Variants in BARD1 observed in about 807,000 individuals in gnomAD.
BARD1 encodes BRCA1-associated RING domain protein 1.
Under a neutral mutation model 77.0 loss-of-function variants are expected in BARD1, and 73 were observed. That is an observed-to-expected ratio of 0.95 (90% CI 0.79 to 1.15). The LOEUF (loss-of-function observed/expected upper bound fraction) is 1.15, where lower values mean the gene tolerates loss of function less well. Ranked by LOEUF, BARD1 falls within the 50% of genes most tolerant of loss-of-function variation. BARD1 has a pLI of 0.00. For synonymous variants in BARD1, 384 were observed against 338.0 expected, an observed-to-expected ratio of 1.14 and a Z score of -1.49; for missense variants, 993 against 938.8, an observed-to-expected ratio of 1.06 and a Z score of -0.75.
intron 4 of BARD1, among the ~76,000 whole-genome samples, chr2:214,774,284 T>C (rs943400026): frequency 6.6e-6 from 1 of 152,214 alleles, no homozygotes; most frequent in African/African-American, 2.4e-5. Context: ...ATGATATTAA[T>C]GGCATCTAGA....
chr2:214,797,985 T>C (rs1695834707), intron 1 of BARD1, among the ~76,000 whole-genome samples: 1 of 152,154 alleles, frequency 6.6e-6, no homozygotes, highest in Admixed American at 6.5e-5. Context: ...GGATGTAATG[T>C]ACCCAGAGAA....
At chr2:214,765,820 T>C (rs1694170964) in intron 6 of BARD1, among the ~76,000 whole-genome samples, 1 of 152,096 alleles carries the variant, frequency 6.6e-6, no homozygotes, top group South Asian at 2.1e-4. Flanking sequence ...CCCAATTATC[T>C]TATAACCTGT....
intron 4 of BARD1, among the ~76,000 whole-genome samples, chr2:214,775,460 C>A (rs1694696278): frequency 6.6e-6 from 1 of 152,056 alleles, no homozygotes; most frequent in Admixed American, 6.6e-5. Flanking sequence ...GTTTGTGGTG[C>A]CCCAAAGCAA....
At chr2:214,746,558 A>C (rs952284163) in intron 7 of BARD1, among the ~76,000 whole-genome samples, 1 of 151,752 alleles carries the variant, frequency 6.6e-6, no homozygotes, top group Non-Finnish European at 1.5e-5. Context: ...ATTAAAGCTG[A>C]GAAGTGAAAG....
At chr2:214,764,021 T>C (rs1242268396) in intron 6 of BARD1, among the ~76,000 whole-genome samples, 1 of 152,174 alleles carries the variant, frequency 6.6e-6, no homozygotes, top group African/African-American at 2.4e-5. Context: ...AAAAGTAACA[T>C]GCCATGGATG....
rs868115336 is a variant in BARD1, at chr2:214,784,118, T to A, written c.365-2609A>T. ...GGCAACCTACAGAATGGGAGAAAAATTTTTGCAATCTATACATCTGACAAA... is the reference window on the plus strand; with the variant it reads ...GGCAACCTACAGAATGGGAGAAAAAATTTTGCAATCTATACATCTGACAAA... On this transcript the variant is annotated intron_variant, in intron 3 of 10. Transcript: ENST00000260947. 4.5e-4 allele frequency among the ~76,000 whole-genome samples: 69 copies of A among 151,960 alleles called. 1 individual carries two copies. Among genetic ancestry groups the A allele is most frequent in the African/African-American group, 1.6e-3 (66 of 41,440 alleles).
chr2:214,737,414 T>C (rs1251787025), intron 9 of BARD1, among the ~76,000 whole-genome samples: 1 of 152,118 alleles, frequency 6.6e-6, no homozygotes, highest in East Asian at 1.9e-4. Context: ...ATATCCTCCA[T>C]GTCACAGATC....
At chr2:214,804,289 A>G (rs1696165354) in intron 1 of BARD1, among the ~76,000 whole-genome samples, 1 of 152,232 alleles carries the variant, frequency 6.6e-6, no homozygotes, top group Non-Finnish European at 1.5e-5. Context: ...ATCTTCTGGT[A>G]TTACCACTTG....
chr2:214,782,487 A>ATT (rs1695087681), intron 3 of BARD1, among the ~76,000 whole-genome samples: 1 of 151,534 alleles, frequency 6.6e-6, no homozygotes, highest in Non-Finnish European at 1.5e-5. Context: ...ATATATATAT[A>ATT]TAAAATACTT....
At chr2:214,732,309 C>T (rs1330159447) in intron 9 of BARD1, among the ~76,000 whole-genome samples, 1 of 152,076 alleles carries the variant, frequency 6.6e-6, no homozygotes, top group Non-Finnish European at 1.5e-5. Flanking sequence ...ATCTGCTACC[C>T]AGAACTGTCC....
At chr2:214,790,288 T>A (rs553112484) in intron 3 of BARD1, among the ~76,000 whole-genome samples, 30 of 152,226 alleles carry the variant, frequency 2.0e-4, no homozygotes, top group African/African-American at 7.2e-4. Context: ...CATGTTGAGG[T>A]CCTAACCCCC....
Position 214,728,037 on chromosome 2 carries a change from C to CCA in BARD1, c.*637_*638dup. On this transcript the variant is annotated 3_prime_UTR_variant, in exon 11 of 11. Coordinates refer to ENST00000260947, the MANE Select transcript of BARD1 (RefSeq NM_000465.4). ...ACCATGAGCCTAGTGTTGATTTTTA[C>CCA]CACACACACAAAAAAACCAATGTTA... 4.5e-6 allele frequency: 1 copy of CCA among 223,894 alleles called. No individual in the cohort carries two copies. Among genetic ancestry groups the CCA allele is most frequent in the East Asian group, 6.5e-5 (1 of 15,302 alleles). The allele number at this position is 223,894 out of a possible 1,614,324, so 13.9% of individuals were successfully genotyped here. A position where few individuals can be genotyped will look rare whatever the true frequency, so the allele number is the denominator to read the frequency against.
At chr2:214,772,846 A>T (rs1345357513) in intron 4 of BARD1, among the ~76,000 whole-genome samples, 1 of 152,240 alleles carries the variant, frequency 6.6e-6, no homozygotes. Context: ...ACTGATATGA[A>T]GTAGCCAGGA....
chr2:214,771,369 T>C (rs1295921304), intron 4 of BARD1, among the ~76,000 whole-genome samples: 3 of 152,174 alleles, frequency 2.0e-5, no homozygotes, highest in Non-Finnish European at 4.4e-5. Context: ...TTTTTTCCTC[T>C]GTTGGTTTGA....
intron 2 of BARD1, among the ~76,000 whole-genome samples, chr2:214,794,254 C>CA (rs1466383036): frequency 2.0e-5 from 3 of 151,352 alleles, no homozygotes; most frequent in Non-Finnish European, 4.4e-5. Flanking sequence ...CTTGTCTTCA[C>CA]AAAAAAATAA....
intron 3 of BARD1, among the ~76,000 whole-genome samples, chr2:214,791,927 T>C (rs1027800001): frequency 3.2e-4 from 48 of 152,266 alleles, no homozygotes; most frequent in African/African-American, 1.0e-3. Context: ...CATGCGGCTG[T>C]AGGCAAGGTT....
chr2:214,742,578 A>T (rs1282203913), intron 9 of BARD1, among the ~76,000 whole-genome samples: 1 of 152,196 alleles, frequency 6.6e-6, no homozygotes, highest in African/African-American at 2.4e-5. Context: ...CATTGATATT[A>T]GAGGATGTTA....
At chr2:214,741,233 T>C (rs1035520995) in intron 9 of BARD1, among the ~76,000 whole-genome samples, 4 of 152,074 alleles carry the variant, frequency 2.6e-5, no homozygotes, top group African/African-American at 9.7e-5. Context: ...CTTCTACAGC[T>C]GCAATTTTAT....
intron 6 of BARD1, among the ~76,000 whole-genome samples, chr2:214,763,182 T>A (rs554371034): frequency 4.1e-4 from 62 of 152,300 alleles, no homozygotes; most frequent in African/African-American, 1.4e-3. Context: ...TTTCTCAAAA[T>A]CCCATCCTCC....
Sources: gnomAD v4.1 joint callset for allele counts (sites outside exome capture counted in the v4.1 genomes callset) on GRCh38, gnomAD v4.1.1 for gene constraint, MANE v1.5 for transcripts, NCBI Gene and HGNC (gene_info 2026-07-23, HGNC 2026-07-21) for gene names.